BCO1: variants seen among roughly 807,000 people sequenced by gnomAD.
BCO1 encodes beta-carotene oxygenase 1.
A neutral mutation model predicts 56.3 loss-of-function variants in BCO1; 54 were observed. The ratio of observed to expected loss-of-function variants is 0.96; its 90% CI spans 0.77 to 1.20. BCO1 has a LOEUF of 1.20. Ranked by LOEUF, BCO1 falls within the 50% of genes most tolerant of loss-of-function variation. The probability of loss-of-function intolerance (pLI) is 0.00; values close to 1 mark genes in which losing one functional copy is unlikely to be tolerated. For missense variants in BCO1, 801 were observed against 690.9 expected (o/e 1.16, Z -1.79); for synonymous variants, 318 against 266.1 (o/e 1.20, Z -1.90).
chr16:81,275,164 C>T (rs540473213), intron 7 of BCO1, among the ~76,000 whole-genome samples: 55 of 152,378 alleles, frequency 3.6e-4, no homozygotes, highest in African/African-American at 1.1e-3. Context: ...GAAGCGACTT[C>T]AGGAAGATGC....
At chr16:81,281,012 A>C (rs771818019) in intron 8 of BCO1, 50 bp downstream of exon 8, 14 of 1,380,772 alleles carry the variant, frequency 1.0e-5, no homozygotes, top group Non-Finnish European at 1.4e-5. Context: ...AGATTTTCAC[A>C]GGGAGCCCAG....
intron 2 of BCO1, among the ~76,000 whole-genome samples, chr16:81,248,778 A>G (rs11639550): frequency 0.44 from 67,567 of 151,848 alleles, 15,426 homozygotes; most frequent in Middle Eastern, 0.55. Context: ...TTGGGGAGCC[A>G]AGGTGGGCAG....
chr16:81,251,883 T>TGTGTGTGTGC (rs1203581913), intron 2 of BCO1, among the ~76,000 whole-genome samples: 1 of 150,636 alleles, frequency 6.6e-6, no homozygotes, highest in African/African-American at 2.4e-5. Flanking sequence ...TATGTGTGTG[T>TGTGTGTGTGC]GTGTGTGTAT....
intron 7 of BCO1, among the ~76,000 whole-genome samples, chr16:81,280,146 C>G (rs144693206): frequency 6.6e-6 from 1 of 151,258 alleles, no homozygotes; most frequent in East Asian, 1.9e-4. Flanking sequence ...ACCTGTAATC[C>G]CAGCTACTCT....
intron 1 of BCO1, 93 bp from the exon 2 acceptor site, chr16:81,245,382 A>T: frequency 1.3e-6 from 2 of 1,580,382 alleles, no homozygotes; most frequent in South Asian, 1.1e-5. Context: ...TGGTACTGGG[A>T]CCACAACTCT....
At chr16:81,241,072 G>T (rs189696059) in intron 1 of BCO1, among the ~76,000 whole-genome samples, 4 of 152,234 alleles carry the variant, frequency 2.6e-5, no homozygotes, top group Non-Finnish European at 4.4e-5. Context: ...AACCTCAGTT[G>T]ATCCGCCCGT....
chr16:81,276,394 A>G (rs1424315196), intron 7 of BCO1, among the ~76,000 whole-genome samples: 1 of 152,154 alleles, frequency 6.6e-6, no homozygotes, highest in Admixed American at 6.5e-5. Flanking sequence ...AAGCTCCTGA[A>G]GGGCCCAGCC....
At chr16:81,289,705 A>G (rs1181041496) in intron 10 of BCO1, among the ~76,000 whole-genome samples, 1 of 152,160 alleles carries the variant, frequency 6.6e-6, no homozygotes, top group African/African-American at 2.4e-5. Flanking sequence ...TAATTTACAG[A>G]GTGCTTTCAA....
intron 6 of BCO1, among the ~76,000 whole-genome samples, chr16:81,268,345 G>A (rs111517387): frequency 7.1e-4 from 108 of 152,310 alleles, no homozygotes; most frequent in African/African-American, 2.5e-3. Flanking sequence ...GTTATTGGAT[G>A]AGGCTGTCCA....
intron 7 of BCO1, among the ~76,000 whole-genome samples, chr16:81,277,442 G>C (rs1187481480): frequency 6.6e-6 from 1 of 152,196 alleles, no homozygotes; most frequent in Non-Finnish European, 1.5e-5. Context: ...TGCACGATGT[G>C]TGTGGCCCTG....
chr16:81,246,284 T>C (rs890177208), intron 2 of BCO1, among the ~76,000 whole-genome samples: 1 of 152,142 alleles, frequency 6.6e-6, no homozygotes. Flanking sequence ...AATCCCTAGA[T>C]AATCTCCCAT....
rs373944973 is a variant in BCO1 at position 81,287,455 on chromosome 16, G to A, written c.1414+49G>A. 7.8e-5 allele frequency: 114 copies of A among 1,456,734 alleles called. No individual in the cohort carries two copies. The African/African-American group carries it at 9.6e-4, about 12-fold the overall frequency. 90.2% of individuals were successfully genotyped at this position (1,456,734 alleles called of 1,614,324 possible). On this transcript the variant is annotated intron_variant, in intron 10 of 10. Coordinates refer to ENST00000258168, the MANE Select transcript of BCO1 (RefSeq NM_017429.3). ...TAGTTGCTGCACGTTACTGCAGATC[G>A]CCCTCCAACAGAGACACCATCTGGG...
chr16:81,248,042 T>C (rs1285033945), intron 2 of BCO1, among the ~76,000 whole-genome samples: 1 of 152,092 alleles, frequency 6.6e-6, no homozygotes, highest in Admixed American at 6.6e-5. Flanking sequence ...TCTAAACGAA[T>C]GTGTAAACAG....
chr16:81,259,942 T>C, intron 3 of BCO1, 137 bp downstream of exon 3: 1 of 1,084,804 alleles, frequency 9.2e-7, no homozygotes, highest in South Asian at 1.3e-5. Context: ...TAACCAGAGG[T>C]GCTACACAGT....
intron 7 of BCO1, among the ~76,000 whole-genome samples, chr16:81,272,319 C>T (rs562509556): frequency 7.9e-5 from 12 of 151,428 alleles, no homozygotes; most frequent in East Asian, 5.9e-4. Flanking sequence ...AGGGTTTCAC[C>T]GTGTTAGCCA....
intron 9 of BCO1, among the ~76,000 whole-genome samples, 160 bp from the exon 10 acceptor site, chr16:81,287,135 G>C (rs1908228239): frequency 6.6e-6 from 1 of 152,112 alleles, no homozygotes; most frequent in African/African-American, 2.4e-5. Context: ...TCCTTTCTTG[G>C]CTGTGCTCAC....
intron 10 of BCO1, 58 bp downstream of exon 10, chr16:81,287,464 CAG>C: frequency 7.3e-7 from 1 of 1,364,760 alleles, no homozygotes; most frequent in Non-Finnish European, 1.0e-6. Flanking sequence ...CGCCCTCCAA[CAG>C]AGACACCATC....
At chr16:81,278,563 A>G (rs917160489) in intron 7 of BCO1, among the ~76,000 whole-genome samples, 3 of 152,254 alleles carry the variant, frequency 2.0e-5, no homozygotes, top group African/African-American at 7.2e-5. Flanking sequence ...TTCATGCGGC[A>G]GACAAGCTAA....
At chr16:81,239,011 T>A (rs766163680) in intron 1 of BCO1, 39 bp downstream of exon 1, 5 of 1,545,940 alleles carry the variant, frequency 3.2e-6, no homozygotes, top group Non-Finnish European at 4.4e-6. Flanking sequence ...TTCTTCTATT[T>A]ATTTTATTAT....
Sources: gnomAD v4.1 joint callset for allele counts (sites outside exome capture counted in the v4.1 genomes callset) on GRCh38, gnomAD v4.1.1 for gene constraint, MANE v1.5 for transcripts, NCBI Gene and HGNC (gene_info 2026-07-23, HGNC 2026-07-21) for gene names.